IL1RAPL2: variants seen among roughly 807,000 people sequenced by gnomAD.
The protein encoded by IL1RAPL2 is interleukin 1 receptor accessory protein like 2.
IL1RAPL2 carries 3 observed loss-of-function variants against 44.1 expected under a neutral mutation model. That is an observed-to-expected ratio of 0.07 (90% CI 0.03 to 0.18). The LOEUF is 0.18. IL1RAPL2 is among the 10% of genes least tolerant of loss of function. The pLI is 1.00. For synonymous variants in IL1RAPL2, 181 were observed against 178.8 expected (o/e 1.01, Z -0.10); for missense variants, 391 against 496.4 (o/e 0.79, Z 2.02).
At chrX:105,435,161 T>C (rs1340624075) in intron 5 of IL1RAPL2, among the ~76,000 whole-genome samples, 2 of 111,905 alleles carry the variant, frequency 1.8e-5, no homozygotes, top group Non-Finnish European at 3.8e-5. Flanking sequence ...TCCAGCTTTG[T>C]TCTTTTGGCT....
At chrX:104,714,470 C>T (rs1025120986) in intron 2 of IL1RAPL2, among the ~76,000 whole-genome samples, 5 of 110,708 alleles carry the variant, frequency 4.5e-5, no homozygotes, top group African/African-American at 1.6e-4. Context: ...ATGGGCTTCC[C>T]TCTTCCTTCG....
intron 2 of IL1RAPL2, among the ~76,000 whole-genome samples, chrX:104,991,149 A>G (rs755894775): frequency 1.8e-5 from 2 of 111,413 alleles, no homozygotes; most frequent in East Asian, 5.7e-4. Context: ...TCTCCCTAAG[A>G]CTTTGAACAT....
At chrX:105,172,841 A>T (rs553596557) in intron 2 of IL1RAPL2, among the ~76,000 whole-genome samples, 14 of 111,471 alleles carry the variant, frequency 1.3e-4, no homozygotes, top group African/African-American at 3.9e-4. Flanking sequence ...TTTCTGCTAC[A>T]AGAGTGTTTA....
At chrX:105,390,411 T>C (rs1274666502) in intron 5 of IL1RAPL2, among the ~76,000 whole-genome samples, 2 of 111,740 alleles carry the variant, frequency 1.8e-5, no homozygotes, top group Non-Finnish European at 3.8e-5. Flanking sequence ...TGCCCCATCA[T>C]CTAGCACGGT....
chrX:104,924,715 T>C (rs1237790038), intron 2 of IL1RAPL2, among the ~76,000 whole-genome samples: 1 of 110,730 alleles, frequency 9.0e-6, no homozygotes, highest in Admixed American at 9.6e-5. Context: ...AGAGGAAAGT[T>C]TATAGTATTA....
intron 3 of IL1RAPL2, among the ~76,000 whole-genome samples, chrX:105,226,385 C>CTTTTTTTTTTTTTTTTTTTTTTT (rs35192051): frequency 1.9e-5 from 1 of 53,352 alleles, no homozygotes; most frequent in African/African-American, 9.5e-5. Flanking sequence ...TTTCTTTTCC[C>CTTTTTTTTTTTTTTTTTTTTTTT]TTTTTTTTTT....
chrX:105,549,406 A>C (rs1333148797), intron 6 of IL1RAPL2, among the ~76,000 whole-genome samples: 1 of 111,774 alleles, frequency 8.9e-6, no homozygotes, highest in Non-Finnish European at 1.9e-5. Flanking sequence ...TGCTGTGGGC[A>C]GAGAGATGTG....
At chrX:105,554,374 C>A (rs1283513371) in intron 6 of IL1RAPL2, among the ~76,000 whole-genome samples, 1 of 111,752 alleles carries the variant, frequency 8.9e-6, no homozygotes, top group African/African-American at 3.2e-5. Context: ...TATAATTTTG[C>A]TTATAATTTT....
chrX:105,732,283 C>G (rs756321102), intron 7 of IL1RAPL2, among the ~76,000 whole-genome samples: 1 of 110,569 alleles, frequency 9.0e-6, no homozygotes, highest in South Asian at 3.9e-4. Flanking sequence ...CTTCTTTGTA[C>G]TCACCAAATC....
At chrX:105,344,881 G>T (rs765830891) in intron 5 of IL1RAPL2, among the ~76,000 whole-genome samples, 2 of 111,700 alleles carry the variant, frequency 1.8e-5, no homozygotes, top group South Asian at 3.8e-4. Context: ...TCTGTGACAG[G>T]CACTGAACTT....
At chrX:104,827,556 C>A (rs1196167467) in intron 2 of IL1RAPL2, among the ~76,000 whole-genome samples, 1 of 111,437 alleles carries the variant, frequency 9.0e-6, no homozygotes, top group Non-Finnish European at 1.9e-5. Flanking sequence ...CTGCTCTTAA[C>A]ATTTTTTCCT....
intron 2 of IL1RAPL2, among the ~76,000 whole-genome samples, chrX:105,072,757 T>G (rs2032225164): frequency 1.8e-5 from 2 of 111,084 alleles, no homozygotes; most frequent in African/African-American, 6.6e-5. Flanking sequence ...GTCATCTACA[T>G]TAGGAATTTT....
chrX:105,303,266 C>T (rs1480156860), intron 5 of IL1RAPL2, among the ~76,000 whole-genome samples: 4 of 111,901 alleles, frequency 3.6e-5, no homozygotes, highest in Non-Finnish European at 5.6e-5. Flanking sequence ...AACTGGATTC[C>T]GCACAAAAAG....
At chrX:105,551,378 CCTTTAA>C (rs1303291614) in intron 6 of IL1RAPL2, among the ~76,000 whole-genome samples, 5 of 109,598 alleles carry the variant, frequency 4.6e-5, no homozygotes, top group Admixed American at 9.7e-5. Flanking sequence ...GTAAATGAGG[CCTTTAA>C]CTTTAAGAAC....
intron 2 of IL1RAPL2, among the ~76,000 whole-genome samples, chrX:105,052,636 C>T (rs1182730268): frequency 9.0e-6 from 1 of 110,652 alleles, no homozygotes; most frequent in Non-Finnish European, 1.9e-5. Context: ...TTTCAGAGCC[C>T]CTCTCATCAC....
chrX:104,984,467 G>A (rs2030523063), intron 2 of IL1RAPL2, among the ~76,000 whole-genome samples: 1 of 111,480 alleles, frequency 9.0e-6, no homozygotes, highest in African/African-American at 3.3e-5. Flanking sequence ...AGCTCTGGAG[G>A]CAGTAATTAA....
intron 3 of IL1RAPL2, among the ~76,000 whole-genome samples, chrX:105,228,295 T>G (rs782553877): frequency 2.7e-4 from 30 of 112,207 alleles, no homozygotes; most frequent in Non-Finnish European, 5.1e-4. Context: ...TCCTGAGGCA[T>G]TTTATCTAGG....
At chrX:105,688,700 T>C (rs1330304970) in intron 6 of IL1RAPL2, among the ~76,000 whole-genome samples, 1 of 111,953 alleles carries the variant, frequency 8.9e-6, no homozygotes, top group Non-Finnish European at 1.9e-5. Context: ...AATGACTTTC[T>C]TCACAGAATT....
At chrX:104,825,177 GAC>G (rs1428999726) in intron 2 of IL1RAPL2, among the ~76,000 whole-genome samples, 5 of 111,401 alleles carry the variant, frequency 4.5e-5, no homozygotes, top group African/African-American at 1.6e-4. Context: ...GATCTGACCT[GAC>G]ACAGCAGAGG....
Sources: allele counts gnomAD v4.1 joint callset (sites outside exome capture counted in the v4.1 genomes callset), GRCh38; gene constraint gnomAD v4.1.1; transcripts MANE v1.5; gene names NCBI Gene and HGNC (gene_info 2026-07-23, HGNC 2026-07-21).